The following GRID2 variants were observed in gnomAD, a reference collection of about 807,000 sequenced individuals.
The protein encoded by GRID2 is glutamate ionotropic receptor delta type subunit 2, also known as glutamate receptor ionotropic, delta-2.
In GRID2, 33 loss-of-function variants were observed where a neutral mutation model predicts 114.8. The ratio of observed to expected loss-of-function variants is 0.29; its 90% CI spans 0.22 to 0.38. The LOEUF is 0.38. Ranked by LOEUF, GRID2 falls within the 10% of genes least tolerant of loss-of-function variation. The pLI, the probability that GRID2 is intolerant of heterozygous loss-of-function variation, is 1.00. For synonymous variants in GRID2, 505 were observed against 449.9 expected (o/e 1.12, Z -1.55); for missense variants, 1,184 against 1,257.7 (o/e 0.94, Z 0.89).
intron 2 of GRID2, among the ~76,000 whole-genome samples, chr4:92,591,180 T>C (rs987032575): frequency 5.9e-5 from 9 of 152,038 alleles, no homozygotes; most frequent in African/African-American, 2.2e-4. Context: ...ATTAGTGCCC[T>C]TATAAAACAG....
chr4:93,623,045 C>A (rs1377610593), intron 13 of GRID2, among the ~76,000 whole-genome samples: 1 of 152,088 alleles, frequency 6.6e-6, no homozygotes, highest in African/African-American at 2.4e-5. Context: ...AATCACCTGT[C>A]TCACGTTTTT....
At chr4:93,616,304 G>A (rs964262614) in intron 13 of GRID2, among the ~76,000 whole-genome samples, 3 of 151,882 alleles carry the variant, frequency 2.0e-5, no homozygotes, top group African/African-American at 7.3e-5. Flanking sequence ...AGCACATTGG[G>A]AAGCCAAGGC....
At chr4:93,178,543 G>A (rs1214646561) in intron 4 of GRID2, among the ~76,000 whole-genome samples, 1 of 151,254 alleles carries the variant, frequency 6.6e-6, no homozygotes, top group African/African-American at 2.4e-5. Context: ...CTACAGGAAC[G>A]TGCCAATACA....
At chr4:92,562,420 C>T (rs1489449881) in intron 1 of GRID2, among the ~76,000 whole-genome samples, 1 of 152,140 alleles carries the variant, frequency 6.6e-6, no homozygotes, top group Non-Finnish European at 1.5e-5. Flanking sequence ...AATGTTTTCT[C>T]TTTTTGAGGG....
At chr4:93,483,912 T>A (rs1329131658) in intron 11 of GRID2, among the ~76,000 whole-genome samples, 1 of 151,878 alleles carries the variant, frequency 6.6e-6, no homozygotes, top group Non-Finnish European at 1.5e-5. Context: ...TTTGCAATAC[T>A]TTTTTAGCAA....
At chr4:93,669,023 G>C (rs11734598) in intron 14 of GRID2, among the ~76,000 whole-genome samples, 52,364 of 151,768 alleles carry the variant, frequency 0.35, 9,242 homozygotes, top group East Asian at 0.58. Context: ...GGCATGCTTA[G>C]TAAGTGATAT....
At chr4:93,426,198 T>C (rs779081248) in intron 10 of GRID2, among the ~76,000 whole-genome samples, 4 of 152,190 alleles carry the variant, frequency 2.6e-5, no homozygotes, top group Non-Finnish European at 5.9e-5. Flanking sequence ...AAGTTACATA[T>C]AGAATTGTAT....
chr4:93,475,750 A>G (rs1160924286), intron 11 of GRID2, among the ~76,000 whole-genome samples: 1 of 152,168 alleles, frequency 6.6e-6, no homozygotes, highest in African/African-American at 2.4e-5. Context: ...TGGGACTGGC[A>G]AAATGGGTGC....
intron 1 of GRID2, among the ~76,000 whole-genome samples, chr4:92,587,811 G>T (rs1223963682): frequency 6.6e-6 from 1 of 152,134 alleles, no homozygotes; most frequent in Non-Finnish European, 1.5e-5. Context: ...GCAATATTAA[G>T]TGTTCTGCCA....
chr4:92,534,348 C>A (rs1022571281), intron 1 of GRID2, among the ~76,000 whole-genome samples: 2 of 152,088 alleles, frequency 1.3e-5, no homozygotes, highest in African/African-American at 4.8e-5. Context: ...TTAGAATTAT[C>A]CATTCATTTC....
At chr4:92,536,796 A>G (rs1725658320) in intron 1 of GRID2, among the ~76,000 whole-genome samples, 1 of 152,188 alleles carries the variant, frequency 6.6e-6, no homozygotes, top group East Asian at 1.9e-4. Context: ...AATGCCCCCA[A>G]GAATGACTAA....
intron 11 of GRID2, among the ~76,000 whole-genome samples, chr4:93,466,533 T>A (rs915704426): frequency 3.3e-5 from 5 of 152,112 alleles, no homozygotes; most frequent in African/African-American, 1.2e-4. Flanking sequence ...TAGGGGGCAG[T>A]TTATGCAGAA....
At chr4:92,881,211 T>C (rs569614272) in intron 2 of GRID2, among the ~76,000 whole-genome samples, 1 of 152,298 alleles carries the variant, frequency 6.6e-6, no homozygotes, top group East Asian at 1.9e-4. Context: ...CCTCTTTTTT[T>C]CTTTAACAAT....
chr4:93,039,855 T>C (rs1223098508), intron 2 of GRID2, among the ~76,000 whole-genome samples: 2 of 152,134 alleles, frequency 1.3e-5, no homozygotes, highest in African/African-American at 4.8e-5. Flanking sequence ...GCCTAACACA[T>C]GTAAGTGCTC....
At chr4:92,945,060 T>G (rs1751520450) in intron 2 of GRID2, among the ~76,000 whole-genome samples, 1 of 152,156 alleles carries the variant, frequency 6.6e-6, no homozygotes, top group Non-Finnish European at 1.5e-5. Context: ...TTGAAAATAT[T>G]TCTGATAACT....
At chr4:93,359,793 C>T (rs901193594) in intron 8 of GRID2, among the ~76,000 whole-genome samples, 9 of 121,088 alleles carry the variant, frequency 7.4e-5, no homozygotes, top group African/African-American at 2.2e-4. Context: ...ATTTGCTAAG[C>T]GAATACCATA....
At chr4:93,156,907 A>G (rs1737235584) in intron 4 of GRID2, among the ~76,000 whole-genome samples, 1 of 151,702 alleles carries the variant, frequency 6.6e-6, no homozygotes, top group Non-Finnish European at 1.5e-5. Flanking sequence ...TTTGTTGAAT[A>G]AAAGGAAATC....
At chr4:92,751,960 C>G (rs972598129) in intron 2 of GRID2, among the ~76,000 whole-genome samples, 2 of 152,186 alleles carry the variant, frequency 1.3e-5, no homozygotes, top group Non-Finnish European at 2.9e-5. Context: ...AGCCAGTGTT[C>G]TAAGGGCTGT....
chr4:92,894,070 C>A (rs1746983163), intron 2 of GRID2, among the ~76,000 whole-genome samples: 1 of 152,110 alleles, frequency 6.6e-6, no homozygotes, highest in Non-Finnish European at 1.5e-5. Flanking sequence ...ACAGCTAGGT[C>A]AGCTCAAGGA....
Sources: allele counts gnomAD v4.1 joint callset (sites outside exome capture counted in the v4.1 genomes callset), GRCh38; gene constraint gnomAD v4.1.1; transcripts MANE v1.5; gene names NCBI Gene and HGNC (gene_info 2026-07-23, HGNC 2026-07-21).